PEAK1: variants seen among roughly 807,000 people sequenced by gnomAD.
The protein encoded by PEAK1 is inactive tyrosine-protein kinase PEAK1.
Under a neutral mutation model 124.7 loss-of-function variants are expected in PEAK1, and 54 were observed. The observed-to-expected ratio is 0.43, with a 90% CI of 0.35 to 0.54. PEAK1 has a LOEUF of 0.54. PEAK1 is among the 20% of genes least tolerant of loss of function. PEAK1 has a pLI of 0.01. For missense variants in PEAK1, 2,046 were observed against 2,134.5 expected (o/e 0.96, Z 0.82); for synonymous variants, 719 against 760.0 (o/e 0.95, Z 0.89).
chr15:77,276,281 CA>C (rs2062321465), intron 5 of PEAK1, among the ~76,000 whole-genome samples: 1 of 152,050 alleles, frequency 6.6e-6, no homozygotes, highest in South Asian at 2.1e-4. Context: ...CAATCCAGGC[CA>C]AAACACATCA....
chr15:77,404,590 T>A (rs1201054650), intron 1 of PEAK1: 4 of 878,008 alleles, frequency 4.6e-6, no homozygotes, highest in Non-Finnish European at 5.5e-6. Flanking sequence ...AAACTACATA[T>A]GTGGTTTGCA....
chr15:77,386,142 C>T (rs1432622086), intron 1 of PEAK1, among the ~76,000 whole-genome samples: 1 of 152,142 alleles, frequency 6.6e-6, no homozygotes, highest in Non-Finnish European at 1.5e-5. Flanking sequence ...GAATATATTC[C>T]TCAGCATTTA....
rs2050949553 is a variant in PEAK1, at chr15:77,111,070, A to G, written c.*3086T>C. On this transcript the variant is annotated 3_prime_UTR_variant, in exon 10 of 10. Transcript: ENST00000682557. ...TGTTCATGCTCATGTGGCTTAAGGAAAAGTTCCAATAGGAGCTTAATTGTT... is the reference window on the plus strand; with the variant it reads ...TGTTCATGCTCATGTGGCTTAAGGAGAAGTTCCAATAGGAGCTTAATTGTT... 6.6e-6 allele frequency: 1 copy of G among 152,240 alleles called. No individual in the cohort carries two copies. The highest frequency in any genetic ancestry group is 2.1e-4 in the South Asian group (1 of 4,834). 9.4% of individuals were successfully genotyped at this position (152,240 alleles called of 1,614,324 possible). A position where few individuals can be genotyped will look rare whatever the true frequency, so the allele number is the denominator to read the frequency against.
intron 2 of PEAK1, chr15:77,345,878 T>G: frequency 1.0e-6 from 1 of 967,054 alleles, no homozygotes; most frequent in Middle Eastern, 5.4e-4. Context: ...CAATTACATA[T>G]CAATAAGTAA....
chr15:77,356,743 A>C (rs1381133203), intron 2 of PEAK1, among the ~76,000 whole-genome samples: 1 of 152,224 alleles, frequency 6.6e-6, no homozygotes, highest in Admixed American at 6.5e-5. Context: ...GCATATATAG[A>C]AATCCAAAAT....
intron 6 of PEAK1, among the ~76,000 whole-genome samples, chr15:77,198,098 A>G (rs1487353739): frequency 6.6e-6 from 1 of 152,212 alleles, no homozygotes; most frequent in African/African-American, 2.4e-5. Flanking sequence ...TGTAGTATTA[A>G]ATAACTGCAT....
At chr15:77,269,879 C>T (rs1348070862) in intron 5 of PEAK1, among the ~76,000 whole-genome samples, 3 of 152,122 alleles carry the variant, frequency 2.0e-5, no homozygotes, top group Admixed American at 1.3e-4. Flanking sequence ...TACCTTTGTT[C>T]TCACTGGTTT....
In PEAK1 at chr15:77,226,244, C is replaced by G. The variant is rs1247914153; in HGVS notation, c.-115+26123G>C. 8.1e-5 allele frequency among the ~76,000 whole-genome samples: 12 copies of G among 148,682 alleles called. No homozygotes were observed. The East Asian group carries it at 2.4e-3, about 29-fold the overall frequency. Reference sequence around the variant, plus strand: ...AGATATTTCAAGAAAAAAAAAAAACCCTGTCTTTGATATTTGATCTGAGAT... The same window carrying G: ...AGATATTTCAAGAAAAAAAAAAAACGCTGTCTTTGATATTTGATCTGAGAT... On this transcript the variant is annotated intron_variant, in intron 6 of 9. Transcript: ENST00000682557.
At chr15:77,145,747 T>C (rs1053779976) in intron 8 of PEAK1, among the ~76,000 whole-genome samples, 1 of 152,136 alleles carries the variant, frequency 6.6e-6, no homozygotes, top group African/African-American at 2.4e-5. Context: ...GTGACCCTCT[T>C]CCAGACTCCT....
chr15:77,313,684 GTGTGTGTGTATATATATATATGTA>G (rs1274577287), intron 2 of PEAK1, among the ~76,000 whole-genome samples: 8 of 119,726 alleles, frequency 6.7e-5, no homozygotes, highest in African/African-American at 3.1e-4. Context: ...GTGTGTGTGT[GTGTGTGTGTATATATATATATGTA>G]TGTGTGTGTG....
chr15:77,406,366 T>C (rs947861295), intron 1 of PEAK1, among the ~76,000 whole-genome samples: 2 of 152,194 alleles, frequency 1.3e-5, no homozygotes, highest in African/African-American at 4.8e-5. Flanking sequence ...GATATAATCA[T>C]ATACCTGGAA....
chr15:77,283,220 G>C (rs186015838), intron 5 of PEAK1, among the ~76,000 whole-genome samples: 1 of 152,208 alleles, frequency 6.6e-6, no homozygotes, highest in Admixed American at 6.5e-5. Flanking sequence ...TTCAAATTTT[G>C]TTGTATATCA....
chr15:77,384,844 C>T (rs755790407), intron 1 of PEAK1, among the ~76,000 whole-genome samples: 33 of 152,128 alleles, frequency 2.2e-4, no homozygotes, highest in Non-Finnish European at 4.1e-4. Context: ...CTTATGGCTG[C>T]TTTTGCTGTA....
rs79663224 is a variant in PEAK1, at chr15:77,199,791, C to T, written c.-114-17751G>A. On this transcript the variant is annotated intron_variant, in intron 6 of 9. Coordinates refer to ENST00000682557, the MANE Select transcript of PEAK1 (RefSeq NM_001385026.1). ...ATGGAGATGACTGCTTCCAAACCAG[C>T]GCCAGACAATGAAGATGAAGATGTA... is the stretch of plus-strand genomic sequence containing the variant. 5.6e-3 allele frequency among the ~76,000 whole-genome samples: 852 copies of T among 152,146 alleles called. 7 individuals carry two copies. Among genetic ancestry groups the T allele is most frequent in the African/African-American group, 0.017 (698 of 41,498 alleles).
intron 6 of PEAK1, among the ~76,000 whole-genome samples, chr15:77,226,716 A>C (rs1419645378): frequency 6.6e-6 from 1 of 152,160 alleles, no homozygotes; most frequent in African/African-American, 2.4e-5. Flanking sequence ...TTCATAAGTC[A>C]AGATGAAAAC....
intron 9 of PEAK1, among the ~76,000 whole-genome samples, chr15:77,128,655 C>T (rs559901146): frequency 4.6e-4 from 70 of 152,282 alleles, no homozygotes; most frequent in African/African-American, 1.6e-3. Flanking sequence ...CAGGATTTAT[C>T]ACTCCTTTCT....
chr15:77,335,855 CAA>C, intron 2 of PEAK1: 1 of 985,330 alleles, frequency 1.0e-6, no homozygotes, highest in Non-Finnish European at 1.2e-6. Context: ...TTTACCAATT[CAA>C]AGAGACTTGA....
intron 8 of PEAK1, among the ~76,000 whole-genome samples, chr15:77,140,863 T>G (rs568994975): frequency 6.6e-6 from 1 of 151,950 alleles, no homozygotes. Flanking sequence ...GTCCCCCAAG[T>G]AGCCAGGACT....
In PEAK1 at chr15:77,180,127, A is replaced by G. The variant is rs775322366; in HGVS notation, c.1800T>C (p.Asn600=). Residue 600 remains asparagine (N), a synonymous_variant, in exon 7 of 10, where the codon AAT becomes AAC. Coordinates refer to ENST00000682557, the MANE Select transcript of PEAK1 (RefSeq NM_001385026.1). ...TAATTGGAAAAGGTGGCATACCAGC[A>G]TTGTTATAACTATTAAATTTAATTT... ...LSEIKFNSYN[N]AGMPPFPIII... The G allele has an allele frequency of 1.9e-6, 3 of 1,614,064 alleles. No individual in the cohort carries two copies. The Admixed American group carries it at 5.0e-5, about 27-fold the overall frequency.
Sources: allele counts gnomAD v4.1 joint callset (sites outside exome capture counted in the v4.1 genomes callset), GRCh38; gene constraint gnomAD v4.1.1; transcripts MANE v1.5; gene names NCBI Gene and HGNC (gene_info 2026-07-23, HGNC 2026-07-21).